GLRA3: variants seen among roughly 807,000 people sequenced by gnomAD.
The protein encoded by GLRA3 is glycine receptor alpha 3.
A neutral mutation model predicts 60.4 loss-of-function variants in GLRA3; 44 were observed. The ratio of observed to expected loss-of-function variants is 0.73; its 90% CI spans 0.57 to 0.94. The LOEUF (loss-of-function observed/expected upper bound fraction) is 0.94. Among genes scored for constraint, GLRA3 ranks in the 40% least tolerant of loss-of-function variants. GLRA3 has a pLI of 0.00. For missense variants in GLRA3, 508 were observed against 564.6 expected (o/e 0.90, Z 1.02); for synonymous variants, 223 against 192.9 (o/e 1.16, Z -1.29).
chr4:174,793,824 T>C (rs1049241434), intron 1 of GLRA3, among the ~76,000 whole-genome samples: 1 of 152,146 alleles, frequency 6.6e-6, no homozygotes, highest in Non-Finnish European at 1.5e-5. Context: ...TAATTCTATC[T>C]ATCATCTATC....
intron 8 of GLRA3, among the ~76,000 whole-genome samples, chr4:174,657,033 AGTT>A (rs1330228117): frequency 2.0e-5 from 3 of 152,184 alleles, no homozygotes; most frequent in African/African-American, 7.2e-5. Context: ...TATATCAAGT[AGTT>A]ATCAGAAAAT....
In GLRA3 at chr4:174,690,735, C is replaced by T. The variant is rs147714254; in HGVS notation, c.575-7796G>A. On this transcript the variant is annotated intron_variant, in intron 5 of 9. Transcript: ENST00000274093. ...TCATAGGTTCTTATCATTTGGTTCC[C>T]ACTTATAAGTGAGAACATGAGGTAT... 2.0e-3 allele frequency among the ~76,000 whole-genome samples: 302 copies of T among 152,214 alleles called. 1 individual carries two copies. Among genetic ancestry groups the T allele is most frequent in the African/African-American group, 6.8e-3 (284 of 41,538 alleles).
Position 174,753,638 on chromosome 4 carries a change from C to A in GLRA3, c.267+13325G>T, listed in dbSNP as rs115773519. Among the ~76,000 whole-genome samples the A allele has an allele frequency of 4.0e-3, 603 of 152,164 alleles. 4 individuals are homozygous for A. The highest frequency in any genetic ancestry group is 0.014 in the African/African-American group (584 of 41,516). ...TCTGTTCATGATAATCTGATCATTT[C>A]TATGTTATGAGAGGTGGCCAAGAGA... On this transcript the variant is annotated intron_variant, in intron 3 of 9. Transcript: ENST00000274093.
rs376237954 is a variant in GLRA3 at position 174,798,852 on chromosome 4, C to T, written c.72-9909G>A. 6.6e-5 allele frequency among the ~76,000 whole-genome samples: 10 copies of T among 151,470 alleles called. No individual in the cohort carries two copies. In the South Asian group the frequency reaches 1.0e-3, roughly 16 times the overall value. On this transcript the variant is annotated intron_variant, in intron 1 of 9. Transcript: ENST00000274093. ...GGCAGAATGCCGTGAACCCGGGAGG[C>T]GGAGCTTGCAGTGAGCCGAGATAGC...
At chr4:174,722,145 A>G (rs1736156872) in intron 4 of GLRA3, among the ~76,000 whole-genome samples, 1 of 152,110 alleles carries the variant, frequency 6.6e-6, no homozygotes. Context: ...TCAGCATTTT[A>G]GGGCCAGCAA....
chr4:174,733,480 A>C (rs1736638640), intron 3 of GLRA3, among the ~76,000 whole-genome samples: 1 of 152,142 alleles, frequency 6.6e-6, no homozygotes, highest in Non-Finnish European at 1.5e-5. Flanking sequence ...CCCAGCCTGG[A>C]GCATGTCTTG....
chr4:174,687,752 T>C (rs547375095), intron 5 of GLRA3, among the ~76,000 whole-genome samples: 1 of 152,346 alleles, frequency 6.6e-6, no homozygotes, highest in Non-Finnish European at 1.5e-5. Flanking sequence ...ACAAATGTGA[T>C]ACTTTGATAT....
intron 9 of GLRA3, among the ~76,000 whole-genome samples, chr4:174,646,773 T>C (rs960888266): frequency 6.6e-6 from 1 of 152,106 alleles, no homozygotes; most frequent in Non-Finnish European, 1.5e-5. Context: ...GGGGGCTGAG[T>C]GAACATAAGG....
chr4:174,726,023 T>G (rs1736307177), intron 4 of GLRA3, among the ~76,000 whole-genome samples: 1 of 152,246 alleles, frequency 6.6e-6, no homozygotes, highest in South Asian at 2.1e-4. Flanking sequence ...CTAACCACTC[T>G]CTATACAGGC....
chr4:174,704,241 C>G (rs1260373821), intron 5 of GLRA3, among the ~76,000 whole-genome samples: 1 of 143,586 alleles, frequency 7.0e-6, no homozygotes, highest in African/African-American at 2.5e-5. Flanking sequence ...TTGCAGTGAG[C>G]TGAGGTCACA....
chr4:174,738,978 T>G (rs946840714), intron 3 of GLRA3, among the ~76,000 whole-genome samples: 10 of 152,232 alleles, frequency 6.6e-5, no homozygotes, highest in South Asian at 2.1e-4. Flanking sequence ...TGAATTCCAC[T>G]GAGCAACTTC....
At chr4:174,654,827 T>C (rs1376429564) in intron 9 of GLRA3, among the ~76,000 whole-genome samples, 1 of 152,060 alleles carries the variant, frequency 6.6e-6, no homozygotes, top group Non-Finnish European at 1.5e-5. Context: ...GGAGATAGCA[T>C]CCATGACATG....
intron 1 of GLRA3, among the ~76,000 whole-genome samples, chr4:174,795,652 T>C (rs770238208): frequency 6.6e-6 from 1 of 152,210 alleles, no homozygotes; most frequent in Non-Finnish European, 1.5e-5. Flanking sequence ...TCTTATACCA[T>C]AATGTAATCA....
chr4:174,757,802 A>C (rs1031079840), intron 3 of GLRA3, among the ~76,000 whole-genome samples: 2 of 152,174 alleles, frequency 1.3e-5, no homozygotes, highest in Admixed American at 1.3e-4. Flanking sequence ...ACTTACTTTC[A>C]AAGAGTGCTG....
At chr4:174,711,484 A>G (rs978454629) in intron 5 of GLRA3, among the ~76,000 whole-genome samples, 14 of 149,878 alleles carry the variant, frequency 9.3e-5, no homozygotes, top group Non-Finnish European at 1.8e-4. Flanking sequence ...TCTGTCGCCC[A>G]TGCTGAGTGC....
intron 3 of GLRA3, 24 bp from the exon 4 acceptor site, chr4:174,728,722 GAAA>G (rs3834804): frequency 1.6e-6 from 2 of 1,218,396 alleles, no homozygotes; most frequent in African/African-American, 1.5e-5. Flanking sequence ...ATGAAAGAAA[GAAA>G]AAAAAAAACC....
intron 7 of GLRA3, among the ~76,000 whole-genome samples, chr4:174,664,328 G>A (rs1002891647): frequency 1.3e-5 from 2 of 151,798 alleles, no homozygotes; most frequent in Non-Finnish European, 1.5e-5. Context: ...CTTCCTTCAC[G>A]GCACTCTGAC....
At chr4:174,734,097 A>T (rs1374422245) in intron 3 of GLRA3, among the ~76,000 whole-genome samples, 1 of 152,194 alleles carries the variant, frequency 6.6e-6, no homozygotes, top group Admixed American at 6.5e-5. Context: ...GATGGAAAAA[A>T]TAATCCAGAA....
intron 7 of GLRA3, among the ~76,000 whole-genome samples, chr4:174,662,059 C>T (rs1173603555): frequency 6.6e-6 from 1 of 152,084 alleles, no homozygotes; most frequent in Non-Finnish European, 1.5e-5. Context: ...GTCCATTGCT[C>T]AAGGTTGAAA....
Sources: allele counts gnomAD v4.1 joint callset (sites outside exome capture counted in the v4.1 genomes callset), GRCh38; gene constraint gnomAD v4.1.1; transcripts MANE v1.5; gene names NCBI Gene and HGNC (gene_info 2026-07-23, HGNC 2026-07-21).